The following FCGR3B variants were observed in gnomAD, a reference collection of about 807,000 sequenced individuals.
FCGR3B encodes low affinity immunoglobulin gamma Fc region receptor III-B.
In FCGR3B, 20 loss-of-function variants were observed where a neutral mutation model predicts 26.7. That is an observed-to-expected ratio of 0.75 (90% confidence interval 0.53 to 1.09). The LOEUF (loss-of-function observed/expected upper bound fraction) is 1.09, where lower values mean the gene tolerates loss of function less well. FCGR3B is among the 50% of genes least tolerant of loss of function. FCGR3B has a pLI of 0.00. For synonymous variants in FCGR3B, 79 were observed against 107.0 expected (o/e 0.74, Z 1.62); for missense variants, 191 against 279.7 (o/e 0.68, Z 2.26).
chr1:161,628,622 A>C (rs383579), intron 3 of FCGR3B, among the ~76,000 whole-genome samples: 139,561 of 143,994 alleles, frequency 0.97, 68,059 homozygotes, highest in East Asian at 1. Flanking sequence ...TTGAGTGGTA[A>C]TGTCAGAGGC....
upstream of FCGR3B, chr1:161,631,339 A>C (rs1214309022): frequency 9.4e-6 from 8 of 850,524 alleles, no homozygotes; most frequent in Non-Finnish European, 1.3e-5. Flanking sequence ...TGCCCCCTTT[A>C]CTCTCCCAAA....
chr1:161,624,689 A>C (rs373797758), intron 4 of FCGR3B, 50 bp from the exon 5 acceptor site: 2 of 1,540,542 alleles, frequency 1.3e-6, no homozygotes, highest in Non-Finnish European at 1.8e-6. Flanking sequence ...ACTAAGGCAG[A>C]TATTTGGAAC....
chr1:161,625,551 G>A (rs1358575083), intron 4 of FCGR3B, among the ~76,000 whole-genome samples: 2 of 133,510 alleles, frequency 1.5e-5, no homozygotes, highest in Non-Finnish European at 3.2e-5. Context: ...TGTTGTGAAG[G>A]TCTACTGTGG....
chr1:161,624,660 A>T, intron 4 of FCGR3B, 21 bp from the exon 5 acceptor site: 1 of 1,588,298 alleles, frequency 6.3e-7, no homozygotes, highest in Non-Finnish European at 8.6e-7. Flanking sequence ...AAGTGGAGAG[A>T]TGAAAAAAAA....
At chr1:161,631,610 T>A, upstream of FCGR3B, 1 of 318,122 alleles carries the variant, frequency 3.1e-6, no homozygotes, top group East Asian at 5.4e-5. Flanking sequence ...CAGAAAGTTG[T>A]CCTTTCAAAT....
At chr1:161,624,689 A>G (rs373797758) in intron 4 of FCGR3B, 50 bp from the exon 5 acceptor site, 2 of 1,540,424 alleles carry the variant, frequency 1.3e-6, no homozygotes, top group Admixed American at 1.8e-5. Flanking sequence ...ACTAAGGCAG[A>G]TATTTGGAAC....
Position 161,623,332 on chromosome 1 carries a change from C to T in FCGR3B, c.*1183G>A, listed in dbSNP as rs146653557. 0.3 allele frequency: 45,042 copies of T among 149,774 alleles called. 7,945 individuals are homozygous for T. Among genetic ancestry groups the T allele is most frequent in the South Asian group, 0.42 (1,961 of 4,704 alleles). 9.3% of individuals were successfully genotyped at this position (149,774 alleles called of 1,614,324 possible). ...ACAAAACAGAGACAGCTAAAGCTTTCTTTCATAAGCAACAATTGTCTTCTC... is the reference window on the plus strand; with the variant it reads ...ACAAAACAGAGACAGCTAAAGCTTTTTTTCATAAGCAACAATTGTCTTCTC... On this transcript the variant is annotated 3_prime_UTR_variant, in exon 5 of 5. Transcript: ENST00000650385.
intron 4 of FCGR3B, 63 bp downstream of exon 4, chr1:161,626,082 C>A: frequency 1.3e-6 from 2 of 1,566,842 alleles, no homozygotes; most frequent in Non-Finnish European, 1.7e-6. Context: ...CTCAACTTCC[C>A]AGTGTGAGTG....
intron 3 of FCGR3B, among the ~76,000 whole-genome samples, chr1:161,626,822 T>G (rs868612933): frequency 3.3e-4 from 49 of 150,476 alleles, no homozygotes; most frequent in Middle Eastern, 3.4e-3. Flanking sequence ...AAGGTAGATT[T>G]CAGAAGGAAT....
chr1:161,631,214 G>T (rs748196949), upstream of FCGR3B: 5 of 1,584,732 alleles, frequency 3.2e-6, 1 homozygote, highest in South Asian at 2.3e-5. Flanking sequence ...TCTGTCACCT[G>T]CCAGTTTCCT....
At chr1:161,630,275 T>G in intron 2 of FCGR3B, 93 bp downstream of exon 2, 1 of 1,327,838 alleles carries the variant, frequency 7.5e-7, no homozygotes, top group Non-Finnish European at 1.1e-6. Flanking sequence ...CACATCAGCA[T>G]TTTCCCATTC....
chr1:161,627,333 C>T (rs532984690), intron 3 of FCGR3B, among the ~76,000 whole-genome samples: 3,389 of 149,928 alleles, frequency 0.023, 315 homozygotes, highest in African/African-American at 0.08. Context: ...GGAGTGGGAC[C>T]AAAGGACATT....
chr1:161,624,638 A>G lies in FCGR3B; in HGVS notation c.579T>C (p.Gly193=). ...SETVNITITQ[G]LAVSTISSFS... Reference sequence around the variant, plus strand: ...ATGATGAGATGGTTGACACTGCCAAACCTATTAGGAGAAGTGGAGAGATGA... The same window carrying G: ...ATGATGAGATGGTTGACACTGCCAAGCCTATTAGGAGAAGTGGAGAGATGA... The change falls in exon 5 of 5, where the codon GGT becomes GGC. Residue 193 remains glycine, a splice_region_variant and synonymous_variant. Transcript: ENST00000650385. 6.2e-7 allele frequency: 1 copy of G among 1,602,676 alleles called. No individual in the cohort carries two copies. The highest frequency in any genetic ancestry group is 8.5e-7 in the Non-Finnish European group (1 of 1,174,750).
chr1:161,627,080 T>A (rs1329429997), intron 3 of FCGR3B, among the ~76,000 whole-genome samples: 3 of 149,978 alleles, frequency 2.0e-5, no homozygotes, highest in African/African-American at 7.5e-5. Flanking sequence ...CCAGAGCTTA[T>A]TCTCACAATC....
intron 4 of FCGR3B, among the ~76,000 whole-genome samples, chr1:161,625,268 G>A (rs1238952061): frequency 2.3e-5 from 3 of 130,248 alleles, no homozygotes; most frequent in Non-Finnish European, 4.9e-5. Flanking sequence ...TACAATTTAT[G>A]TCTTGGGCTA....
upstream of FCGR3B, chr1:161,631,472 A>G (rs753393973): frequency 2.6e-5 from 13 of 507,302 alleles, no homozygotes; most frequent in Non-Finnish European, 4.1e-5. Flanking sequence ...TGGGACAGCA[A>G]GACCCTGGGG....
chr1:161,631,103 A>G lies in FCGR3B; in HGVS notation c.-9T>C. On this transcript the variant is annotated 5_prime_UTR_variant, in exon 1 of 5. Coordinates refer to ENST00000650385, the MANE Select transcript of FCGR3B (RefSeq NM_001244753.2). The stretch of plus-strand genomic sequence containing the variant: ...AGGAGCAGCTGCCACATGATGCCAC[A>G]CTGGAGTGGACAAGTCACCAAAGAT... 6.2e-7 allele frequency: 1 copy of G among 1,607,604 alleles called. No homozygotes were observed. The highest frequency in any genetic ancestry group is 1.1e-5 in the South Asian group (1 of 90,316).
rs772612155 is a variant in FCGR3B, at chr1:161,626,288, C to A, written c.434G>T (p.Gly145Val). 6.2e-7 allele frequency: 1 copy of A among 1,608,772 alleles called. No individual in the cohort carries two copies. The highest frequency in any genetic ancestry group is 1.4e-5 in the African/African-American group (1 of 73,542). Residue 145 changes from glycine to valine, a missense_variant, in exon 4 of 5, where the codon GGC (glycine) becomes GTC (valine). By Grantham distance (109) the Gly-to-Val change is moderately radical. Transcript: ENST00000650385. Reference sequence around the variant, plus strand: ...ATGATGAAAATACTTCCTGTCTTTGCCATTCTGTAAATATGTGACCTTATG... The same window carrying A: ...ATGATGAAAATACTTCCTGTCTTTGACATTCTGTAAATATGTGACCTTATG... ...ALHKVTYLQN[G>V]KDRKYFHHNS...
In FCGR3B at chr1:161,624,345, T is replaced by C. The variant is rs143606050; in HGVS notation, c.*170A>G. 3.9e-6 allele frequency: 3 copies of C among 772,836 alleles called. No individual in the cohort carries two copies. Among genetic ancestry groups the C allele is most frequent in the East Asian group, 2.6e-5 (1 of 39,010 alleles). 47.9% of individuals were successfully genotyped at this position (772,836 alleles called of 1,614,324 possible). On this transcript the variant is annotated 3_prime_UTR_variant, in exon 5 of 5. Transcript: ENST00000650385. ...ATAAAGGATCTGGCTCTGAGTTCTA[T>C]GTTTCCTGCTGCTTGTAGAGAGGCC...
Sources: allele counts gnomAD v4.1 joint callset (sites outside exome capture counted in the v4.1 genomes callset), GRCh38; gene constraint gnomAD v4.1.1; transcripts MANE v1.5; gene names NCBI Gene and HGNC (gene_info 2026-07-23, HGNC 2026-07-21).